The following CAPZB variants were observed in gnomAD, a reference collection of about 807,000 sequenced individuals.
The protein encoded by CAPZB is F-actin-capping protein subunit beta.
Under a neutral mutation model 38.1 loss-of-function variants are expected in CAPZB, and 2 were observed. The ratio of observed to expected loss-of-function variants is 0.05; its 90% CI spans 0.02 to 0.17. The LOEUF (loss-of-function observed/expected upper bound fraction) is 0.17, where lower values mean the gene tolerates loss of function less well. CAPZB is among the 10% of genes least tolerant of loss of function. The pLI, the probability that CAPZB is intolerant of heterozygous loss-of-function variation, is 1.00. For synonymous variants in CAPZB, 107 were observed against 127.4 expected (o/e 0.84, Z 1.08); for missense variants, 161 against 334.2 (o/e 0.48, Z 4.04).
intron 2 of CAPZB, among the ~76,000 whole-genome samples, chr1:19,408,367 G>A (rs980746086): frequency 1.3e-5 from 2 of 152,214 alleles, no homozygotes; most frequent in Non-Finnish European, 2.9e-5. Flanking sequence ...TCATGAATTC[G>A]GCTTTCGGAA....
intron 1 of CAPZB, among the ~76,000 whole-genome samples, chr1:19,441,032 C>T (rs910105914): frequency 1.3e-5 from 2 of 152,112 alleles, no homozygotes; most frequent in African/African-American, 4.8e-5. Flanking sequence ...TGCACTCCAG[C>T]CTGGGCGACA....
chr1:19,424,194 G>A (rs575972397), intron 1 of CAPZB, among the ~76,000 whole-genome samples: 1 of 152,094 alleles, frequency 6.6e-6, no homozygotes, highest in Non-Finnish European at 1.5e-5. Context: ...ACAAAGGTAT[G>A]ATAAATACAA....
intron 3 of CAPZB, among the ~76,000 whole-genome samples, chr1:19,380,296 G>A (rs1171178582): frequency 6.6e-6 from 1 of 152,208 alleles, no homozygotes; most frequent in Non-Finnish European, 1.5e-5. Context: ...AGGAGCCTTG[G>A]AAATCCTTGT....
At chr1:19,455,636 A>G (rs1180625937) in intron 1 of CAPZB, among the ~76,000 whole-genome samples, 2 of 152,164 alleles carry the variant, frequency 1.3e-5, no homozygotes, top group Non-Finnish European at 2.9e-5. Context: ...TCTACCAGCC[A>G]CTGTGGGCCT....
chr1:19,346,817 C>CTTTT (rs34733600), intron 6 of CAPZB, among the ~76,000 whole-genome samples: 11 of 84,100 alleles, frequency 1.3e-4, no homozygotes, highest in Non-Finnish European at 1.4e-4. Context: ...CGACTTTTGT[C>CTTTT]TTTTTTTTTT....
chr1:19,403,047 C>G (rs1479732277), intron 2 of CAPZB, among the ~76,000 whole-genome samples: 2 of 147,522 alleles, frequency 1.4e-5, no homozygotes, highest in East Asian at 4.2e-4. Context: ...AAAACTCCAT[C>G]TCTAAAACAA....
chr1:19,370,741 C>T (rs1202279284), intron 4 of CAPZB, among the ~76,000 whole-genome samples: 2 of 152,042 alleles, frequency 1.3e-5, no homozygotes, highest in Non-Finnish European at 2.9e-5. Flanking sequence ...AAGCATGCCT[C>T]CGAGGGACAG....
chr1:19,353,969 C>A (rs1213975890), intron 6 of CAPZB, among the ~76,000 whole-genome samples: 7 of 152,240 alleles, frequency 4.6e-5, no homozygotes, highest in Admixed American at 1.3e-4. Context: ...GTCCTGTCTA[C>A]ACTGAGCTGA....
chr1:19,400,171 A>G (rs2094295393), intron 2 of CAPZB, among the ~76,000 whole-genome samples: 1 of 152,014 alleles, frequency 6.6e-6, no homozygotes, highest in Non-Finnish European at 1.5e-5. Context: ...AGACCTCAAC[A>G]CCATCCTGCT....
At chr1:19,448,055 C>T (rs2094502434) in intron 1 of CAPZB, among the ~76,000 whole-genome samples, 1 of 152,198 alleles carries the variant, frequency 6.6e-6, no homozygotes, top group Non-Finnish European at 1.5e-5. Context: ...CTCAGGACAC[C>T]TCTCAGGCCT....
chr1:19,443,122 C>T (rs966708386), intron 1 of CAPZB, among the ~76,000 whole-genome samples: 8 of 152,108 alleles, frequency 5.3e-5, no homozygotes, highest in Admixed American at 1.3e-4. Flanking sequence ...AGTGGTAGTT[C>T]ACGCCTGTAA....
chr1:19,376,721 A>G (rs1404995801), intron 4 of CAPZB, among the ~76,000 whole-genome samples: 4 of 152,200 alleles, frequency 2.6e-5, no homozygotes, highest in South Asian at 2.1e-4. Context: ...TTTTTCCACA[A>G]TGGAGTGTGG....
chr1:19,404,543 TAAAAAAAAA>T (rs11356951), intron 2 of CAPZB, among the ~76,000 whole-genome samples: 3,488 of 128,058 alleles, frequency 0.027, 234 homozygotes, highest in East Asian at 0.15. Flanking sequence ...AACTCCATGT[TAAAAAAAAA>T]AAAAAAAAAA....
At chr1:19,344,305 AGG>A in intron 8 of CAPZB, 51 bp downstream of exon 8, 1 of 1,444,966 alleles carries the variant, frequency 6.9e-7, no homozygotes, top group Non-Finnish European at 9.7e-7. Flanking sequence ...TGGCAGAGCC[AGG>A]GTTCAAATCC....
intron 6 of CAPZB, among the ~76,000 whole-genome samples, chr1:19,352,405 C>T (rs903747633): frequency 6.6e-6 from 1 of 152,270 alleles, no homozygotes; most frequent in African/African-American, 2.4e-5. Context: ...AAACGAACAT[C>T]TGCAGGGCCC....
chr1:19,376,986 C>T (rs1223892709), intron 4 of CAPZB, among the ~76,000 whole-genome samples: 1 of 152,190 alleles, frequency 6.6e-6, no homozygotes, highest in Non-Finnish European at 1.5e-5. Flanking sequence ...CTTGTGAAGA[C>T]CGAATGAGAC....
At chr1:19,407,888 G>A (rs1319258730) in intron 2 of CAPZB, among the ~76,000 whole-genome samples, 1 of 152,146 alleles carries the variant, frequency 6.6e-6, no homozygotes, top group Non-Finnish European at 1.5e-5. Flanking sequence ...CTGTGCAGCT[G>A]GTGTCAGATG....
intron 1 of CAPZB, chr1:19,484,526 C>A: frequency 7.5e-7 from 1 of 1,333,984 alleles, no homozygotes; most frequent in Non-Finnish European, 9.7e-7. Context: ...CCGATGCCCG[C>A]CCTTCCCTCG....
chr1:19,442,028 A>AAAAAAC (rs397961876), intron 1 of CAPZB, among the ~76,000 whole-genome samples: 1 of 150,858 alleles, frequency 6.6e-6, no homozygotes, highest in South Asian at 2.1e-4. Context: ...AAAAAAAAAA[A>AAAAAAC]GCACAGGAGA....
Sources: allele counts gnomAD v4.1 joint callset (sites outside exome capture counted in the v4.1 genomes callset), GRCh38; gene constraint gnomAD v4.1.1; transcripts MANE v1.5; gene names NCBI Gene and HGNC (gene_info 2026-07-23, HGNC 2026-07-21).